ABCA9: variants seen among roughly 807,000 people sequenced by gnomAD.
The protein encoded by ABCA9 is ATP binding cassette subfamily A member 9.
A neutral mutation model predicts 205.3 loss-of-function variants in ABCA9; 183 were observed. The ratio of observed to expected loss-of-function variants is 0.89; its 90% CI spans 0.79 to 1.01. The LOEUF is 1.01. Among genes scored for constraint, ABCA9 ranks in the 50% least tolerant of loss-of-function variants. The pLI is 0.00. For missense variants in ABCA9, 1,805 were observed against 1,912.4 expected (o/e 0.94, Z 1.05); for synonymous variants, 651 against 683.3 (o/e 0.95, Z 0.74).
intron 37 of ABCA9, among the ~76,000 whole-genome samples, chr17:68,977,648 CTA>C (rs2068927583): frequency 6.6e-6 from 1 of 152,184 alleles, no homozygotes; most frequent in African/African-American, 2.4e-5. Context: ...AAGAATGAAA[CTA>C]TGCAACAAGG....
At position 68,975,992 on chromosome 17, in the gene ABCA9, C is replaced by A. The variant is rs1353827461; in HGVS notation, c.4798G>T (p.Glu1600Ter). Residue 1600 changes from glutamate (E) to a stop codon, truncating the protein, a stop_gained, in exon 39 of 39, where the codon GAG (glutamate) becomes TAG (stop). Coordinates refer to ENST00000340001, the MANE Select transcript of ABCA9 (RefSeq NM_080283.4). LOFTEE classifies it high-confidence loss of function. The stretch of plus-strand genomic sequence containing the variant: ...TCTTCAAGATCACCCAGCTCCTGCT[C>A]CTTGGAGAGCTCCAGGAAAACCTAA... ...LEQVFLELSK[E>*]QELGDLEEDF... 1 of 1,613,716 alleles carries A rather than the reference C, an allele frequency of 6.2e-7. No homozygotes were observed. The highest frequency in any genetic ancestry group is 1.1e-5 in the South Asian group (1 of 90,988).
upstream of ABCA9, among the ~76,000 whole-genome samples, chr17:69,065,286 G>A (rs2072335340): frequency 6.6e-6 from 1 of 152,028 alleles, no homozygotes; most frequent in Non-Finnish European, 1.5e-5. Context: ...CTTTTCTCTT[G>A]GAAGTTTATT....
In ABCA9 at chr17:69,020,594, A is replaced by G. The variant is rs1440344284; in HGVS notation, c.2402-8T>C. 3.7e-6 allele frequency: 6 copies of G among 1,608,696 alleles called. No individual in the cohort carries two copies. Among genetic ancestry groups the G allele is most frequent in the Non-Finnish European group, 4.2e-6 (5 of 1,176,530 alleles). On this transcript the variant is annotated splice_polypyrimidine_tract_variant and splice_region_variant and intron_variant, in intron 18 of 38. Transcript: ENST00000340001. ...GTCCCCAAATTCCAATATCTAAAAC[A>G]TAAGATCAATATTTTATAAAGTGCC...
chr17:69,078,735 C>T, the ABCA9 span: 3 of 332,964 alleles, frequency 9.0e-6, no homozygotes, highest in African/African-American at 6.4e-5. Flanking sequence ...TCCACAATAC[C>T]CAGTGCCTGA....
intron 23 of ABCA9, among the ~76,000 whole-genome samples, chr17:69,011,270 A>C (rs1391124605): frequency 6.6e-6 from 1 of 152,128 alleles, no homozygotes; most frequent in African/African-American, 2.4e-5. Flanking sequence ...AACTCAGAGG[A>C]GTTTACCCCA....
At chr17:68,991,084 TTCTAC>T (rs574260391) in intron 28 of ABCA9, 127 bp from the exon 29 acceptor site, 17,664 of 1,061,940 alleles carry the variant, frequency 0.017, 190 homozygotes, top group Non-Finnish European at 0.021. Flanking sequence ...CTCTCTATTC[TTCTAC>T]TTGCACCATC....
In ABCA9 at chr17:69,016,294, A is replaced by T; in HGVS notation, c.2998T>A (p.Ser1000Thr). 1 of 1,600,654 alleles carries T rather than the reference A, an allele frequency of 6.2e-7. No individual in the cohort carries two copies. ...ISNGLLGIFN[S>T]SEHIQTDRST... ...CTGTCAGTCTGAATGTGTTCTGACG[A>T]ATTAAAAATTCCAAGTAGTCCATTG... The change falls in exon 22 of 39, where the codon TCG becomes ACG. Residue 1000 changes from serine to threonine, a missense_variant. Coordinates refer to ENST00000340001, the MANE Select transcript of ABCA9 (RefSeq NM_080283.4).
the ABCA9 span, among the ~76,000 whole-genome samples, chr17:69,071,149 C>T: frequency 4.6e-5 from 7 of 152,204 alleles, no homozygotes; most frequent in African/African-American, 1.2e-4. Flanking sequence ...GGAGAAGGGG[C>T]GGCTGTGGGC....
At chr17:69,074,402 C>G in the ABCA9 span, among the ~76,000 whole-genome samples, 4 of 152,134 alleles carry the variant, frequency 2.6e-5, no homozygotes, top group African/African-American at 4.8e-5. Context: ...CCTTGCCTCC[C>G]TCCCTCGTCT....
At chr17:68,988,823 A>G (rs1299263096) in intron 31 of ABCA9, among the ~76,000 whole-genome samples, 1 of 152,212 alleles carries the variant, frequency 6.6e-6, no homozygotes, top group Non-Finnish European at 1.5e-5. Context: ...TTTTTCACTC[A>G]ATAAAAGGCA....
intron 29 of ABCA9, 151 bp from the exon 30 acceptor site, chr17:68,990,081 C>G: frequency 1.5e-6 from 1 of 666,860 alleles, no homozygotes; most frequent in Non-Finnish European, 2.7e-6. Flanking sequence ...TGAACTCTTA[C>G]AGTCTACATT....
chr17:69,015,797 TAAG>T (rs753936044), intron 22 of ABCA9, among the ~76,000 whole-genome samples: 7 of 152,028 alleles, frequency 4.6e-5, no homozygotes, highest in African/African-American at 9.7e-5. Flanking sequence ...TCAAGTTGCT[TAAG>T]AAGGTCACAT....
At chr17:68,991,078 C>A in intron 28 of ABCA9, 121 bp from the exon 29 acceptor site, 1 of 1,111,044 alleles carries the variant, frequency 9.0e-7, no homozygotes, top group Non-Finnish European at 1.3e-6. Flanking sequence ...AACATCCTCT[C>A]TATTCTTCTA....
Position 68,975,005 on chromosome 17 carries a change from C to G in ABCA9, c.*910G>C, listed in dbSNP as rs1312762743. ...TCTCCTAATGCTATCCCTCCCCTAG[C>G]CCCCATCCCCCCAACAGGCCCCAGG... On this transcript the variant is annotated 3_prime_UTR_variant, in exon 39 of 39. Transcript: ENST00000340001. 1.3e-5 allele frequency: 2 copies of G among 152,070 alleles called. No individual in the cohort carries two copies. The highest frequency in any genetic ancestry group is 4.8e-5 in the African/African-American group (2 of 41,374). The allele number at this position is 152,070 out of a possible 1,614,324, so 9.4% of individuals were successfully genotyped here.
intron 6 of ABCA9, among the ~76,000 whole-genome samples, chr17:69,041,444 C>G (rs1434124487): frequency 6.6e-6 from 1 of 152,050 alleles, no homozygotes; most frequent in Non-Finnish European, 1.5e-5. Flanking sequence ...CGGCTCACAC[C>G]TGTAATCACA....
intron 1 of ABCA9, chr17:69,051,505 C>G: frequency 4.5e-6 from 1 of 221,062 alleles, no homozygotes; most frequent in Non-Finnish European, 9.0e-6. Flanking sequence ...ATGGGTGATT[C>G]ATTACTAATT....
In ABCA9 at chr17:69,020,489, C is replaced by A; in HGVS notation, c.2499G>T (p.Arg833Ser). The A allele has an allele frequency of 6.2e-7, 1 of 1,614,098 alleles. No homozygotes were observed. Among genetic ancestry groups the A allele is most frequent in the Non-Finnish European group, 8.5e-7 (1 of 1,179,968 alleles). The change falls in exon 19 of 39, where the codon AGG (arginine) becomes AGT (serine). Residue 833 changes from arginine to serine, a missense_variant. Physicochemically the swap from Arg to Ser is moderately radical, Grantham distance 110. Coordinates refer to ENST00000340001, the MANE Select transcript of ABCA9 (RefSeq NM_080283.4). ...EQVLSSFHET[R>S]KTISGVALWR... is the part of the protein sequence containing the mutation. ...AGAGCGCCACGCCACTGATTGTTTT[C>A]CTTGTTTCGTGGAAGGAAGACAAAA...
At chr17:69,043,825 G>T in intron 5 of ABCA9, 110 bp from the exon 6 acceptor site, 1 of 942,178 alleles carries the variant, frequency 1.1e-6, no homozygotes, top group Non-Finnish European at 1.6e-6. Flanking sequence ...TGTATTTTAT[G>T]TTTATATGCC....
intron 26 of ABCA9, 39 bp from the exon 27 acceptor site, chr17:68,993,123 T>C: frequency 1.3e-6 from 2 of 1,534,856 alleles, no homozygotes; most frequent in Non-Finnish European, 1.8e-6. Context: ...GTGAACCTTC[T>C]TTATTTATTC....
Sources: gnomAD v4.1 joint callset for allele counts (sites outside exome capture counted in the v4.1 genomes callset) on GRCh38, gnomAD v4.1.1 for gene constraint, MANE v1.5 for transcripts, NCBI Gene and HGNC (gene_info 2026-07-23, HGNC 2026-07-21) for gene names.